YWHAQ: variants seen among roughly 807,000 people sequenced by gnomAD.
YWHAQ encodes 14-3-3 protein theta.
Under a neutral mutation model 28.3 loss-of-function variants are expected in YWHAQ, and 6 were observed. The ratio of observed to expected loss-of-function variants is 0.21; its 90% CI spans 0.12 to 0.42. YWHAQ has a LOEUF of 0.42. Ranked by LOEUF, YWHAQ falls within the 10% of genes least tolerant of loss-of-function variation. YWHAQ has a pLI of 1.00. For synonymous variants in YWHAQ, 143 were observed against 119.1 expected, an observed-to-expected ratio of 1.20 and a Z score of -1.31; for missense variants, 201 against 305.6, an observed-to-expected ratio of 0.66 and a Z score of 2.55.
At chr2:9,623,611 T>C (rs1411911576) in intron 2 of YWHAQ, among the ~76,000 whole-genome samples, 3 of 152,032 alleles carry the variant, frequency 2.0e-5, no homozygotes, top group Non-Finnish European at 2.9e-5. Flanking sequence ...TCGTCTCTAC[T>C]AAAAATACAA....
At chr2:9,616,331 C>A (rs148296747) in intron 2 of YWHAQ, among the ~76,000 whole-genome samples, 11 of 151,734 alleles carry the variant, frequency 7.2e-5, no homozygotes, top group Admixed American at 5.9e-4. Flanking sequence ...GGACTAAAGA[C>A]CTAAACACAG....
At chr2:9,617,164 A>G (rs1667055989) in intron 2 of YWHAQ, among the ~76,000 whole-genome samples, 1 of 149,520 alleles carries the variant, frequency 6.7e-6, no homozygotes, top group South Asian at 2.1e-4. Context: ...GGGTTTCACC[A>G]TGTTAGCCAA....
intron 2 of YWHAQ, among the ~76,000 whole-genome samples, chr2:9,601,074 C>A (rs1666683513): frequency 1.3e-5 from 2 of 152,284 alleles, no homozygotes; most frequent in South Asian, 4.1e-4. Flanking sequence ...TGGTCTACAA[C>A]CAAATCTGCA....
At chr2:9,602,839 AAAAAAAAAAAAAAAAAAAAAAAAAT>A (rs1422330357) in intron 2 of YWHAQ, among the ~76,000 whole-genome samples, 19 of 24,176 alleles carry the variant, frequency 7.9e-4, no homozygotes, top group African/African-American at 2.9e-3. Flanking sequence ...TAAAAAAAAA[AAAAAAAAAAAAAAAAAAAAAAAAAT>A]ATATATATAT....
chr2:9,585,585 G>C (rs1292999524), intron 5 of YWHAQ, among the ~76,000 whole-genome samples: 2 of 151,832 alleles, frequency 1.3e-5, no homozygotes, highest in Non-Finnish European at 2.9e-5. Flanking sequence ...TATACCACTG[G>C]AGCATGGTTT....
intron 2 of YWHAQ, among the ~76,000 whole-genome samples, chr2:9,613,557 G>A (rs954950333): frequency 5.1e-4 from 77 of 152,178 alleles, no homozygotes; most frequent in Non-Finnish European, 8.8e-5. Context: ...AAGAGAAAGG[G>A]AAGCAGCAGA....
At chr2:9,618,468 C>T (rs991913461) in intron 2 of YWHAQ, among the ~76,000 whole-genome samples, 8 of 152,106 alleles carry the variant, frequency 5.3e-5, no homozygotes, top group Non-Finnish European at 4.4e-5. Context: ...ATCACTATGA[C>T]TTTTCAATAT....
intron 2 of YWHAQ, among the ~76,000 whole-genome samples, chr2:9,626,405 A>G (rs1558552494): frequency 6.6e-6 from 1 of 152,170 alleles, no homozygotes; most frequent in African/African-American, 2.4e-5. Flanking sequence ...AATGACTCCT[A>G]AACATCTTAC....
chr2:9,586,398 G>T (rs917924934), intron 5 of YWHAQ, among the ~76,000 whole-genome samples: 3 of 152,088 alleles, frequency 2.0e-5, no homozygotes, highest in Non-Finnish European at 4.4e-5. Flanking sequence ...ATAATCCTTA[G>T]ATTATTATGA....
chr2:9,600,271 G>A (rs10177405), intron 2 of YWHAQ, among the ~76,000 whole-genome samples: 1,736 of 152,310 alleles, frequency 0.011, 32 homozygotes, highest in African/African-American at 0.039. Flanking sequence ...CATTAACACC[G>A]TTGAAATGAC....
At chr2:9,593,919 T>TACACACACAC (rs765018439) in intron 2 of YWHAQ, among the ~76,000 whole-genome samples, 14 of 124,978 alleles carry the variant, frequency 1.1e-4, no homozygotes, top group Non-Finnish European at 2.0e-4. Flanking sequence ...TATATATATA[T>TACACACACAC]ATATACACAC....
intron 4 of YWHAQ, 70 bp downstream of exon 4, chr2:9,588,095 T>G: frequency 6.8e-7 from 1 of 1,463,108 alleles, no homozygotes; most frequent in Non-Finnish European, 9.0e-7. Context: ...GTAAAATACC[T>G]ATAAATTAAC....
intron 2 of YWHAQ, among the ~76,000 whole-genome samples, chr2:9,601,796 C>T (rs889251687): frequency 3.9e-5 from 6 of 152,088 alleles, no homozygotes; most frequent in Admixed American, 6.6e-5. Flanking sequence ...CAGGTACTCA[C>T]CACCTTGCTC....
chr2:9,594,197 C>A (rs188416128), intron 2 of YWHAQ, among the ~76,000 whole-genome samples: 4 of 152,062 alleles, frequency 2.6e-5, no homozygotes, highest in Non-Finnish European at 5.9e-5. Context: ...ACACTCTTAA[C>A]TGTAAAAACA....
At position 9,611,984 on chromosome 2, in the gene YWHAQ, C is replaced by T. The variant is rs576924592; in HGVS notation, c.294+18175G>A. Among the ~76,000 whole-genome samples, 10 of 152,280 alleles carry T rather than the reference C, an allele frequency of 6.6e-5. No individual in the cohort carries two copies. The Middle Eastern group carries it at 0.01, about 155-fold the overall frequency. On this transcript the variant is annotated intron_variant, in intron 2 of 5. Transcript: ENST00000238081. ...GCGCCCATCCCTGTTTCTATACTTA[C>T]ATTACTTATTTCTACCAATTATTCC...
intron 2 of YWHAQ, among the ~76,000 whole-genome samples, chr2:9,593,898 T>TAAAAAAAAAA (rs151047530): frequency 2.1e-4 from 25 of 121,502 alleles, no homozygotes; most frequent in African/African-American, 8.2e-4. Context: ...TTAAATAGAT[T>TAAAAAAAAAA]AAAAAAAATA....
At chr2:9,594,979 C>T (rs961841214) in intron 2 of YWHAQ, among the ~76,000 whole-genome samples, 2 of 152,134 alleles carry the variant, frequency 1.3e-5, no homozygotes, top group African/African-American at 4.8e-5. Flanking sequence ...GAGCTAACCT[C>T]TTCTTTCTAA....
intron 2 of YWHAQ, among the ~76,000 whole-genome samples, chr2:9,623,097 T>C (rs776432665): frequency 6.6e-6 from 1 of 152,266 alleles, no homozygotes; most frequent in Non-Finnish European, 1.5e-5. Flanking sequence ...TATGGTATCA[T>C]GTTCTAAATG....
chr2:9,618,481 G>A (rs1479289737), intron 2 of YWHAQ, among the ~76,000 whole-genome samples: 1 of 152,072 alleles, frequency 6.6e-6, no homozygotes, highest in Non-Finnish European at 1.5e-5. Context: ...TTCAATATAT[G>A]TGCCTATACT....
Sources: gnomAD v4.1 joint callset for allele counts (sites outside exome capture counted in the v4.1 genomes callset) on GRCh38, gnomAD v4.1.1 for gene constraint, MANE v1.5 for transcripts, NCBI Gene and HGNC (gene_info 2026-07-23, HGNC 2026-07-21) for gene names.